VPS37A: variants seen among roughly 807,000 people sequenced by gnomAD.
The protein encoded by VPS37A is vacuolar protein sorting-associated protein 37A.
Under a neutral mutation model 49.8 loss-of-function variants are expected in VPS37A, and 30 were observed. That is an observed-to-expected ratio of 0.60 (90% CI 0.45 to 0.82). VPS37A has a LOEUF of 0.82. VPS37A is among the 40% of genes least tolerant of loss of function. The pLI, the probability that VPS37A is intolerant of heterozygous loss-of-function variation, is 0.00. For missense variants in VPS37A, 593 were observed against 464.4 expected, an observed-to-expected ratio of 1.28 and a Z score of -2.55; for synonymous variants, 195 against 160.6, an observed-to-expected ratio of 1.21 and a Z score of -1.62.
chr8:17,281,544 A>G (rs1412726738), intron 9 of VPS37A, among the ~76,000 whole-genome samples: 3 of 152,022 alleles, frequency 2.0e-5, no homozygotes, highest in Non-Finnish European at 2.9e-5. Context: ...AAACCTCACA[A>G]TTACTACACA....
rs1433334655 is a variant in VPS37A, at chr8:17,268,242, G to T, written c.201-16G>T. 5.1e-6 allele frequency: 8 copies of T among 1,577,136 alleles called. No homozygotes were observed. Among genetic ancestry groups the T allele is most frequent in the African/African-American group, 1.4e-5 (1 of 73,974 alleles). On this transcript the variant is annotated splice_polypyrimidine_tract_variant and intron_variant, in intron 2 of 11. Coordinates refer to ENST00000324849, the MANE Select transcript of VPS37A (RefSeq NM_152415.3). ...TTATCTTTGTTTTTGTTTTTCATCT[G>T]TTCTACCTCTACCAGATTGCTTCCT... is the stretch of plus-strand genomic sequence containing the variant.
At chr8:17,323,466 C>A in the VPS37A span, among the ~76,000 whole-genome samples, 24 of 152,126 alleles carry the variant, frequency 1.6e-4, no homozygotes, top group Admixed American at 3.3e-4. Context: ...CAGGGAACTC[C>A]AAGCAAATGG....
At chr8:17,276,522 C>G (rs946631381) in intron 6 of VPS37A, 55 bp downstream of exon 6, 2 of 1,490,360 alleles carry the variant, frequency 1.3e-6, no homozygotes, top group Non-Finnish European at 1.8e-6. Context: ...TAAGCATAAA[C>G]CAGATTATTA....
At chr8:17,264,202 C>A (rs73200936) in intron 1 of VPS37A, among the ~76,000 whole-genome samples, 9,542 of 152,086 alleles carry the variant, frequency 0.063, 397 homozygotes, top group African/African-American at 0.1. Flanking sequence ...AGGATTTGAA[C>A]CCAGGAAGCC....
chr8:17,250,149 G>A (rs959353435), intron 1 of VPS37A, among the ~76,000 whole-genome samples: 1 of 152,142 alleles, frequency 6.6e-6, no homozygotes, highest in Admixed American at 6.5e-5. Context: ...CAGGGGAGGA[G>A]GAATTCTGGT....
At chr8:17,300,328 T>G (rs901100455), downstream of VPS37A, 5 of 1,239,120 alleles carry the variant, frequency 4.0e-6, no homozygotes, top group South Asian at 4.7e-5. Context: ...GGTATAATGT[T>G]AAGAACATGT....
chr8:17,251,000 T>C (rs769902002), intron 1 of VPS37A, among the ~76,000 whole-genome samples: 5 of 152,196 alleles, frequency 3.3e-5, no homozygotes, highest in Non-Finnish European at 5.9e-5. Flanking sequence ...CTCCTGACTT[T>C]ATGGACAGGA....
downstream of VPS37A, among the ~76,000 whole-genome samples, chr8:17,306,239 G>T (rs1407484831): frequency 2.0e-5 from 3 of 151,998 alleles, no homozygotes; most frequent in African/African-American, 4.8e-5. Flanking sequence ...CAGAAAAAGG[G>T]CATTTTTAAA....
At chr8:17,317,799 CT>C in the VPS37A span, among the ~76,000 whole-genome samples, 3 of 152,156 alleles carry the variant, frequency 2.0e-5, no homozygotes, top group African/African-American at 2.4e-5. Context: ...TAAATTGCAG[CT>C]TTTTTTTCTA....
chr8:17,319,552 A>G, the VPS37A span, among the ~76,000 whole-genome samples: 1 of 152,226 alleles, frequency 6.6e-6, no homozygotes, highest in African/African-American at 2.4e-5. Context: ...GGTGGGTTTT[A>G]CCAGAAATAA....
the VPS37A span, among the ~76,000 whole-genome samples, chr8:17,332,010 T>C: frequency 7.6e-3 from 1,164 of 152,222 alleles, 8 homozygotes; most frequent in Middle Eastern, 0.034. Context: ...CCAAACACTG[T>C]CCTAGCCTGC....
At chr8:17,262,206 C>T (rs923643217) in intron 1 of VPS37A, among the ~76,000 whole-genome samples, 1 of 152,018 alleles carries the variant, frequency 6.6e-6, no homozygotes, top group Non-Finnish European at 1.5e-5. Flanking sequence ...GTGACTGATC[C>T]TCATATTTGA....
intron 4 of VPS37A, among the ~76,000 whole-genome samples, chr8:17,270,675 A>G (rs996834476): frequency 6.6e-6 from 1 of 152,172 alleles, no homozygotes; most frequent in Admixed American, 6.5e-5. Context: ...AAGTTCAAGA[A>G]GTTCATATGG....
At chr8:17,313,319 T>C in the VPS37A span, 7 of 1,612,986 alleles carry the variant, frequency 4.3e-6, no homozygotes, top group Non-Finnish European at 5.9e-6. Flanking sequence ...CTGCATCCAT[T>C]ATGGCTTTAA....
At chr8:17,264,248 C>T (rs928399936) in intron 1 of VPS37A, among the ~76,000 whole-genome samples, 1 of 152,098 alleles carries the variant, frequency 6.6e-6, no homozygotes, top group Non-Finnish European at 1.5e-5. Context: ...CACTAAGATG[C>T]TCTAGTTGAC....
chr8:17,281,869 C>T (rs1586040320), intron 9 of VPS37A, among the ~76,000 whole-genome samples: 2 of 152,042 alleles, frequency 1.3e-5, no homozygotes, highest in African/African-American at 4.8e-5. Flanking sequence ...TATTGAATGC[C>T]ATAAAAGAAG....
chr8:17,254,632 C>CT (rs925564956), intron 1 of VPS37A, among the ~76,000 whole-genome samples: 65 of 148,294 alleles, frequency 4.4e-4, no homozygotes, highest in African/African-American at 1.3e-3. Context: ...TCTTTTTCTT[C>CT]TTTTTTTTTT....
intron 4 of VPS37A, among the ~76,000 whole-genome samples, chr8:17,273,867 T>C (rs1224359286): frequency 2.6e-5 from 4 of 152,228 alleles, no homozygotes; most frequent in African/African-American, 9.6e-5. Flanking sequence ...TTAATACATT[T>C]TGAAACATTT....
chr8:17,250,199 G>A (rs1226617548), intron 1 of VPS37A, among the ~76,000 whole-genome samples: 2 of 152,094 alleles, frequency 1.3e-5, no homozygotes, highest in Non-Finnish European at 2.9e-5. Flanking sequence ...GGCAGGAGGT[G>A]GTCAGAGAGA....
Sources: allele counts gnomAD v4.1 joint callset (sites outside exome capture counted in the v4.1 genomes callset), GRCh38; gene constraint gnomAD v4.1.1; transcripts MANE v1.5; gene names NCBI Gene and HGNC (gene_info 2026-07-23, HGNC 2026-07-21).